The following FRMD6 variants were observed in gnomAD, a reference collection of about 807,000 sequenced individuals.
The protein encoded by FRMD6 is FERM domain containing 6.
FRMD6 carries 37 observed loss-of-function variants against 73.2 expected under a neutral mutation model. The ratio of observed to expected loss-of-function variants is 0.51; its 90% CI spans 0.39 to 0.66. The LOEUF is 0.66. Among genes scored for constraint, FRMD6 ranks in the 30% least tolerant of loss-of-function variants. The pLI is 0.00. For synonymous variants in FRMD6, 273 were observed against 282.2 expected (o/e 0.97, Z 0.33); for missense variants, 714 against 780.5 (o/e 0.91, Z 1.02).
At chr14:51,501,698 T>A (rs975525209) in intron 1 of FRMD6, among the ~76,000 whole-genome samples, 1 of 152,170 alleles carries the variant, frequency 6.6e-6, no homozygotes, top group Non-Finnish European at 1.5e-5. Flanking sequence ...TGTTTCTTTA[T>A]AATAAAACAA....
chr14:51,608,240 G>A (rs1336522968), intron 2 of FRMD6, among the ~76,000 whole-genome samples: 1 of 152,094 alleles, frequency 6.6e-6, no homozygotes, highest in Non-Finnish European at 1.5e-5. Context: ...GTTCGGCTTG[G>A]GATCCTTTGC....
At chr14:51,403,235 C>G in the FRMD6 span, among the ~76,000 whole-genome samples, 1 of 152,184 alleles carries the variant, frequency 6.6e-6, no homozygotes, top group Non-Finnish European at 1.5e-5. Flanking sequence ...GGCTCTTCCT[C>G]TTTCAGAGAA....
intron 12 of FRMD6, among the ~76,000 whole-genome samples, chr14:51,723,244 A>G (rs940382586): frequency 1.3e-5 from 2 of 152,166 alleles, no homozygotes; most frequent in African/African-American, 4.8e-5. Flanking sequence ...AGGTCCATGT[A>G]TATAGCTCTG....
At position 51,727,863 on chromosome 14, in the gene FRMD6, G is replaced by T. The variant is rs776717901; in HGVS notation, c.1703G>T (p.Ser568Ile). The change falls in exon 14 of 14, where the codon AGT (serine) becomes ATT (isoleucine). Residue 568 changes from serine to isoleucine, a missense_variant. Physicochemically the swap from Ser to Ile is moderately radical, Grantham distance 142. Coordinates refer to ENST00000344768, the MANE Select transcript of FRMD6 (RefSeq NM_001267046.2). The stretch of plus-strand genomic sequence containing the variant: ...GGTCTGTGTCAGGACACTGCTCAGA[G>T]TTACACCTTTGGATGTGGCCATGAA... ...IAGLCQDTAQ[S>I]YTFGCGHELD... 8 of 1,614,240 alleles carry T rather than the reference G, an allele frequency of 5.0e-6. No individual in the cohort carries two copies. Among genetic ancestry groups the T allele is most frequent in the Non-Finnish European group, 6.8e-6 (8 of 1,180,030 alleles).
intron 2 of FRMD6, among the ~76,000 whole-genome samples, chr14:51,588,785 A>G (rs1353311773): frequency 6.6e-6 from 1 of 152,254 alleles, no homozygotes; most frequent in African/African-American, 2.4e-5. Context: ...AGAGGCTCAC[A>G]GACTCATGGG....
the FRMD6 span, among the ~76,000 whole-genome samples, chr14:51,451,731 A>G: frequency 6.6e-6 from 1 of 151,792 alleles, no homozygotes; most frequent in African/African-American, 2.4e-5. Flanking sequence ...AGAGCTTGGC[A>G]CCTCCCCCAC....
intron 1 of FRMD6, among the ~76,000 whole-genome samples, chr14:51,675,549 A>G (rs1415339277): frequency 1.3e-5 from 2 of 152,206 alleles, no homozygotes; most frequent in Non-Finnish European, 2.9e-5. Flanking sequence ...TTAAAACTGT[A>G]TAATGTTTTG....
chr14:51,704,039 AAT>A (rs1896484868), intron 5 of FRMD6, among the ~76,000 whole-genome samples: 1 of 152,132 alleles, frequency 6.6e-6, no homozygotes, highest in African/African-American at 2.4e-5. Context: ...AAGAGATTGT[AAT>A]GAGTGCTCTG....
intron 2 of FRMD6, among the ~76,000 whole-genome samples, chr14:51,598,477 G>C (rs953266056): frequency 1.3e-5 from 2 of 152,136 alleles, no homozygotes; most frequent in African/African-American, 2.4e-5. Context: ...ATTGTGTGAT[G>C]CTAAGGTTTG....
At chr14:51,710,380 C>A (rs1461469425) in intron 7 of FRMD6, among the ~76,000 whole-genome samples, 1 of 152,102 alleles carries the variant, frequency 6.6e-6, no homozygotes, top group Non-Finnish European at 1.5e-5. Flanking sequence ...CCGTTTTGTG[C>A]CCCTTTCCCA....
chr14:51,572,078 G>A (rs1388884252), intron 2 of FRMD6, among the ~76,000 whole-genome samples: 1 of 152,212 alleles, frequency 6.6e-6, no homozygotes, highest in Non-Finnish European at 1.5e-5. Flanking sequence ...GCCACTGCTG[G>A]CACTCCAGCA....
At chr14:51,546,913 G>A (rs963824108) in intron 1 of FRMD6, 2 of 151,790 alleles carry the variant, frequency 1.3e-5, no homozygotes, top group Non-Finnish European at 2.9e-5. Context: ...GCAAATGCTA[G>A]CCAAAAAATA....
intron 2 of FRMD6, among the ~76,000 whole-genome samples, chr14:51,587,733 G>A (rs1322710610): frequency 2.0e-5 from 3 of 152,138 alleles, no homozygotes; most frequent in Non-Finnish European, 4.4e-5. Context: ...GACATTTTCA[G>A]TGTTTTGCTT....
At chr14:51,418,286 T>A in the FRMD6 span, among the ~76,000 whole-genome samples, 1 of 152,232 alleles carries the variant, frequency 6.6e-6, no homozygotes, top group African/African-American at 2.4e-5. Flanking sequence ...CCCATCTTTG[T>A]GGTTTTATCT....
chr14:51,424,784 T>G, the FRMD6 span, among the ~76,000 whole-genome samples: 1 of 152,216 alleles, frequency 6.6e-6, no homozygotes, highest in African/African-American at 2.4e-5. Flanking sequence ...ACAAAGCTTA[T>G]GGGAAAAGAA....
At chr14:51,509,018 GGA>G (rs944474195) in intron 1 of FRMD6, among the ~76,000 whole-genome samples, 1 of 152,150 alleles carries the variant, frequency 6.6e-6, no homozygotes, top group Admixed American at 6.5e-5. Flanking sequence ...CTTAGGTGAG[GGA>G]TATCCTTCAA....
chr14:51,478,917 A>T, the FRMD6 span, among the ~76,000 whole-genome samples: 1 of 152,130 alleles, frequency 6.6e-6, no homozygotes, highest in Non-Finnish European at 1.5e-5. Flanking sequence ...TGTCAAAAGA[A>T]AAAAAATGTG....
intron 1 of FRMD6, among the ~76,000 whole-genome samples, chr14:51,534,125 A>G (rs1596551015): frequency 6.6e-6 from 1 of 152,090 alleles, no homozygotes; most frequent in African/African-American, 2.4e-5. Context: ...CAGGGAACTC[A>G]CCCTGCTCCT....
the FRMD6 span, among the ~76,000 whole-genome samples, chr14:51,402,544 A>G: frequency 1.3e-5 from 2 of 152,206 alleles, no homozygotes; most frequent in Non-Finnish European, 1.5e-5. Context: ...GCCTTCTGCT[A>G]TGATTGTGAG....
Sources: allele counts gnomAD v4.1 joint callset (sites outside exome capture counted in the v4.1 genomes callset), GRCh38; gene constraint gnomAD v4.1.1; transcripts MANE v1.5; gene names NCBI Gene and HGNC (gene_info 2026-07-23, HGNC 2026-07-21).